Variants in NRG3 observed in about 807,000 individuals in gnomAD.
NRG3 encodes pro-neuregulin-3, membrane-bound isoform.
In NRG3, 31 loss-of-function variants were observed where a neutral mutation model predicts 66.9. That is an observed-to-expected ratio of 0.46 (90% confidence interval 0.35 to 0.63). NRG3 has a LOEUF of 0.63. Ranked by LOEUF, NRG3 falls within the 20% of genes least tolerant of loss-of-function variation. NRG3 has a pLI of 0.00. For missense variants in NRG3, 910 were observed against 878.9 expected (o/e 1.04, Z -0.45); for synonymous variants, 393 against 359.4 (o/e 1.09, Z -1.06).
intron 1 of NRG3, among the ~76,000 whole-genome samples, chr10:82,303,316 C>T (rs943137407): frequency 2.1e-5 from 3 of 145,918 alleles, no homozygotes; most frequent in African/African-American, 5.4e-5. Context: ...TATTCATTTA[C>T]ATACTACTGT....
intron 4 of NRG3, among the ~76,000 whole-genome samples, chr10:82,911,506 T>C (rs1365116766): frequency 1.3e-5 from 2 of 151,914 alleles, no homozygotes; most frequent in Admixed American, 6.6e-5. Context: ...ATCAATTTTA[T>C]ATAATTTATA....
chr10:82,940,991 A>G (rs995513580), intron 4 of NRG3, among the ~76,000 whole-genome samples: 1 of 152,148 alleles, frequency 6.6e-6, no homozygotes, highest in African/African-American at 2.4e-5. Flanking sequence ...AATTCAATCC[A>G]TAACAGTGGG....
intron 1 of NRG3, among the ~76,000 whole-genome samples, chr10:82,278,254 A>C (rs2078952883): frequency 6.6e-6 from 1 of 152,006 alleles, no homozygotes; most frequent in Non-Finnish European, 1.5e-5. Flanking sequence ...TGACTGCATG[A>C]CACTATAAAA....
At chr10:81,911,711 C>T (rs572675744) in intron 1 of NRG3, among the ~76,000 whole-genome samples, 4 of 140,238 alleles carry the variant, frequency 2.9e-5, no homozygotes, top group Non-Finnish European at 3.0e-5. Context: ...CTTCCACCTC[C>T]AACCTTTCCC....
Position 82,854,226 on chromosome 10 carries a change from GC to G in NRG3, c.1028-11184del, listed in dbSNP as rs1440508505. On this transcript the variant is annotated intron_variant, in intron 3 of 8. Coordinates refer to ENST00000372141, the MANE Select transcript of NRG3 (RefSeq NM_001010848.4). ...CCATCATCATTCATAGAAAAGTAGA[GC>G]AGGTAACATTATTTCAGGAAATCAG... is the stretch of plus-strand genomic sequence containing the variant. 9.8e-5 allele frequency among the ~76,000 whole-genome samples: 15 copies of G among 152,296 alleles called. No homozygotes were observed. In the East Asian group the frequency reaches 2.7e-3, roughly 27 times the overall value.
intron 3 of NRG3, among the ~76,000 whole-genome samples, chr10:82,847,393 A>C (rs1014716055): frequency 1.3e-5 from 2 of 152,214 alleles, no homozygotes; most frequent in African/African-American, 4.8e-5. Context: ...AATGTCTACC[A>C]AATTAGATAT....
chr10:82,788,430 C>T (rs988600901), intron 3 of NRG3, among the ~76,000 whole-genome samples: 1 of 151,978 alleles, frequency 6.6e-6, no homozygotes, highest in Non-Finnish European at 1.5e-5. Flanking sequence ...ATTACCTGGG[C>T]ATGGTGGTGC....
At chr10:82,916,086 A>G (rs1290512194) in intron 4 of NRG3, among the ~76,000 whole-genome samples, 1 of 152,214 alleles carries the variant, frequency 6.6e-6, no homozygotes, top group East Asian at 1.9e-4. Flanking sequence ...ATTGGATAAA[A>G]GAACACTATT....
intron 3 of NRG3, among the ~76,000 whole-genome samples, chr10:82,809,048 C>T (rs57918611): frequency 0.011 from 1,737 of 152,054 alleles, 31 homozygotes; most frequent in African/African-American, 0.04. Context: ...TGAGAGGAGG[C>T]GATGGTGGGA....
chr10:82,017,512 A>G (rs2061840864), intron 1 of NRG3, among the ~76,000 whole-genome samples: 1 of 152,270 alleles, frequency 6.6e-6, no homozygotes, highest in African/African-American at 2.4e-5. Flanking sequence ...AGGAATCACC[A>G]CACTGACTTC....
At chr10:82,702,915 G>GA (rs2055999143) in intron 2 of NRG3, among the ~76,000 whole-genome samples, 2 of 152,038 alleles carry the variant, frequency 1.3e-5, no homozygotes, top group African/African-American at 2.4e-5. Flanking sequence ...AAAAAGTTAA[G>GA]AAAAATGGTA....
chr10:82,347,372 T>C (rs1425782206), intron 1 of NRG3, among the ~76,000 whole-genome samples: 3 of 152,050 alleles, frequency 2.0e-5, no homozygotes, highest in East Asian at 1.9e-4. Flanking sequence ...TGAAGTTGAG[T>C]GGTTTTGAGT....
intron 1 of NRG3, among the ~76,000 whole-genome samples, chr10:82,246,093 TA>T (rs1166418719): frequency 1.3e-5 from 2 of 150,044 alleles, no homozygotes; most frequent in Non-Finnish European, 2.9e-5. Context: ...CTTGTGATAA[TA>T]AATTTTTGAG....
At chr10:82,214,776 C>A (rs1320743746) in intron 1 of NRG3, among the ~76,000 whole-genome samples, 1 of 152,188 alleles carries the variant, frequency 6.6e-6, no homozygotes, top group East Asian at 1.9e-4. Context: ...AGCCCCATCA[C>A]TTCTTTTGTA....
At chr10:82,982,570 T>C (rs1564693760) in intron 8 of NRG3, among the ~76,000 whole-genome samples, 1 of 152,074 alleles carries the variant, frequency 6.6e-6, no homozygotes. Flanking sequence ...TGGGGGGAAG[T>C]GAGGCTTGCC....
At chr10:82,220,356 A>G (rs750525268) in intron 1 of NRG3, among the ~76,000 whole-genome samples, 8 of 152,218 alleles carry the variant, frequency 5.3e-5, no homozygotes, top group Non-Finnish European at 1.2e-4. Context: ...ATCCAAGCAC[A>G]TGGATTCCAG....
At chr10:82,869,410 T>C (rs1800880249) in intron 4 of NRG3, among the ~76,000 whole-genome samples, 2 of 152,142 alleles carry the variant, frequency 1.3e-5, no homozygotes, top group African/African-American at 2.4e-5. Flanking sequence ...GTTTACATTA[T>C]GGTTCATTCT....
intron 2 of NRG3, among the ~76,000 whole-genome samples, chr10:82,567,172 T>G (rs1395035541): frequency 1.3e-5 from 2 of 151,924 alleles, no homozygotes; most frequent in African/African-American, 4.8e-5. Flanking sequence ...TATTTCTGTT[T>G]CCTAATAATA....
intron 2 of NRG3, among the ~76,000 whole-genome samples, chr10:82,427,974 A>T (rs1277816677): frequency 3.3e-5 from 5 of 151,982 alleles, no homozygotes; most frequent in African/African-American, 1.2e-4. Flanking sequence ...TTTCATTAAG[A>T]TTATTTAATT....
Sources: gnomAD v4.1 joint callset for allele counts (sites outside exome capture counted in the v4.1 genomes callset) on GRCh38, gnomAD v4.1.1 for gene constraint, MANE v1.5 for transcripts, NCBI Gene and HGNC (gene_info 2026-07-23, HGNC 2026-07-21) for gene names.